Variants in PCDH15 observed in about 807,000 individuals in gnomAD.
PCDH15 encodes protocadherin related 15.
PCDH15 carries 129 observed loss-of-function variants against 178.5 expected under a neutral mutation model. The observed-to-expected ratio is 0.72, with a 90% confidence interval of 0.63 to 0.84. The LOEUF is 0.84. Ranked by LOEUF, PCDH15 falls within the 40% of genes least tolerant of loss-of-function variation. PCDH15 has a pLI of 0.00. For synonymous variants in PCDH15, 800 were observed against 732.0 expected (o/e 1.09, Z -1.50); for missense variants, 2,230 against 2,099.9 (o/e 1.06, Z -1.21).
rs71007859 is a variant in PCDH15 at position 54,442,414 on chromosome 10, CTATATATATA to C, written c.158-63482_158-63473del. Among the ~76,000 whole-genome samples, 86 of 19,192 alleles carry C rather than the reference CTATATATATA, an allele frequency of 4.5e-3. 2 individuals are homozygous for C. The highest frequency in any genetic ancestry group is 0.044 in the East Asian group (19 of 432). The allele number at this position is 19,192 out of a possible 152,430, so 12.6% of individuals were successfully genotyped here. A position where few individuals can be genotyped will look rare whatever the true frequency, so the allele number is the denominator to read the frequency against. ...TTAAAAAAAAAAAAGGCCTTAAAGG[CTATATATATA>C]TATATATATATATATATATATATAT... On this transcript the variant is annotated intron_variant, in intron 3 of 37. Coordinates refer to ENST00000644397, the MANE Select transcript of PCDH15 (RefSeq NM_001384140.1).
At chr10:55,187,680 A>G (rs1030277079) in intron 1 of PCDH15, among the ~76,000 whole-genome samples, 1 of 152,062 alleles carries the variant, frequency 6.6e-6, no homozygotes, top group Non-Finnish European at 1.5e-5. Context: ...GGCTGGTTTA[A>G]GTGACCTATG....
At chr10:55,248,256 G>A (rs1322904085) in intron 1 of PCDH15, among the ~76,000 whole-genome samples, 1 of 151,388 alleles carries the variant, frequency 6.6e-6, no homozygotes, top group Non-Finnish European at 1.5e-5. Flanking sequence ...CAGATTTTAT[G>A]ATGTTTAGAT....
At chr10:54,763,608 A>C (rs1383347069) in intron 1 of PCDH15, among the ~76,000 whole-genome samples, 2 of 152,024 alleles carry the variant, frequency 1.3e-5, no homozygotes, top group African/African-American at 4.8e-5. Flanking sequence ...AAAAGAGAAT[A>C]TTTGAAATGT....
At chr10:54,589,338 T>A (rs1340457101) in intron 2 of PCDH15, among the ~76,000 whole-genome samples, 1 of 152,136 alleles carries the variant, frequency 6.6e-6, no homozygotes, top group Non-Finnish European at 1.5e-5. Flanking sequence ...GAAATAAAAT[T>A]AGGTAATTAT....
intron 3 of PCDH15, among the ~76,000 whole-genome samples, chr10:54,388,893 G>A (rs963007098): frequency 2.6e-5 from 4 of 152,138 alleles, no homozygotes; most frequent in Non-Finnish European, 4.4e-5. Context: ...AATGCCACTG[G>A]TCAGTGAGCT....
At chr10:53,809,612 C>T (rs951588200) in intron 37 of PCDH15, 31 of 1,455,184 alleles carry the variant, frequency 2.1e-5, no homozygotes, top group Middle Eastern at 1.8e-4. Context: ...CCTTGTCCCA[C>T]GAAAGCTACG....
At chr10:55,282,132 T>C (rs1349849797) in intron 1 of PCDH15, among the ~76,000 whole-genome samples, 1 of 152,220 alleles carries the variant, frequency 6.6e-6, no homozygotes, top group African/African-American at 2.4e-5. Flanking sequence ...CCGTTATTCC[T>C]ATGGTCAAGA....
At chr10:55,469,429 T>G (rs1173956404) in intron 2 of PCDH15, among the ~76,000 whole-genome samples, 1 of 152,134 alleles carries the variant, frequency 6.6e-6, no homozygotes, top group Non-Finnish European at 1.5e-5. Flanking sequence ...TAACTAATAA[T>G]TTTTATAGAA....
At chr10:54,374,717 G>C (rs2134888541) in intron 4 of PCDH15, among the ~76,000 whole-genome samples, 1 of 151,820 alleles carries the variant, frequency 6.6e-6, no homozygotes, top group South Asian at 2.1e-4. Context: ...ATAAAAATAA[G>C]ACATAAAAAT....
At chr10:54,724,334 T>C (rs111955744) in intron 1 of PCDH15, among the ~76,000 whole-genome samples, 6 of 151,546 alleles carry the variant, frequency 4.0e-5, no homozygotes, top group African/African-American at 1.5e-4. Flanking sequence ...AAGAGGTACA[T>C]ATAGATGCAA....
At position 54,020,178 on chromosome 10, in the gene PCDH15, T is replaced by G; in HGVS notation, c.2751+14A>C. 1 of 1,611,640 alleles carries G rather than the reference T, an allele frequency of 6.2e-7. No individual in the cohort carries two copies. The highest frequency in any genetic ancestry group is 8.5e-7 in the Non-Finnish European group (1 of 1,178,076). On this transcript the variant is annotated intron_variant, in intron 20 of 37. Transcript: ENST00000644397. The stretch of plus-strand genomic sequence containing the variant: ...GAGCAAAGCAGGCAACCAGAAGTCA[T>G]CTCTAGCCCTTACCTTTACAATCAC...
intron 2 of PCDH15, among the ~76,000 whole-genome samples, chr10:54,992,991 T>C (rs867351273): frequency 6.6e-6 from 1 of 151,672 alleles, no homozygotes; most frequent in Non-Finnish European, 1.5e-5. Flanking sequence ...GAAGTTGGAA[T>C]AGCAGAAACT....
chr10:55,473,230 G>A (rs1309654811), intron 2 of PCDH15, among the ~76,000 whole-genome samples: 2 of 151,958 alleles, frequency 1.3e-5, no homozygotes, highest in Non-Finnish European at 2.9e-5. Flanking sequence ...GACCATCTAA[G>A]AAAGTGTAAT....
At chr10:54,926,446 T>G (rs1414691943) in intron 2 of PCDH15, among the ~76,000 whole-genome samples, 1 of 152,052 alleles carries the variant, frequency 6.6e-6, no homozygotes, top group Non-Finnish European at 1.5e-5. Context: ...GGTTTTTGTA[T>G]GAGGATGATG....
At chr10:55,262,435 C>CT (rs1842169503) in intron 1 of PCDH15, among the ~76,000 whole-genome samples, 1 of 152,144 alleles carries the variant, frequency 6.6e-6, no homozygotes, top group African/African-American at 2.4e-5. Flanking sequence ...TATAAAAACA[C>CT]TGAGACCCTA....
intron 14 of PCDH15, among the ~76,000 whole-genome samples, chr10:54,143,115 T>TA (rs1178178541): frequency 1.3e-5 from 2 of 152,214 alleles, no homozygotes; most frequent in East Asian, 3.9e-4. Context: ...ATGTAAGGCT[T>TA]ATTAGGCTTA....
Position 53,823,439 on chromosome 10 carries a change from C to CATTACTATTAAATACTTA in PCDH15, c.4368-3227_4368-3210dup, listed in dbSNP as rs745892138. Reference sequence around the variant, plus strand: ...ATGAGAAAGATGTTTTTATGGCTCTCATTACTATTAAATACTTAAAAACAT... The same window carrying CATTACTATTAAATACTTA: ...ATGAGAAAGATGTTTTTATGGCTCTCATTACTATTAAATACTTAATTACTATTAAATACTTAAAAACAT... On this transcript the variant is annotated intron_variant, in intron 32 of 37. Coordinates refer to ENST00000644397, the MANE Select transcript of PCDH15 (RefSeq NM_001384140.1). The CATTACTATTAAATACTTA allele has an allele frequency of 1.8e-5, 23 of 1,289,034 alleles. No homozygotes were observed. In the African/African-American group the frequency reaches 2.6e-4, roughly 15 times the overall value. The allele number at this position is 1,289,034 out of a possible 1,614,324, so 79.8% of individuals were successfully genotyped here.
intron 2 of PCDH15, among the ~76,000 whole-genome samples, chr10:55,477,200 T>C (rs1840079917): frequency 6.6e-6 from 1 of 151,856 alleles, no homozygotes; most frequent in East Asian, 1.9e-4. Flanking sequence ...TGAATATCTT[T>C]TTTTCCTCCT....
chr10:54,186,790 T>G (rs1234459364), intron 11 of PCDH15, among the ~76,000 whole-genome samples: 1 of 151,982 alleles, frequency 6.6e-6, no homozygotes, highest in Non-Finnish European at 1.5e-5. Flanking sequence ...CTCAGATAAC[T>G]AGAAAGCGGG....
Sources: allele counts gnomAD v4.1 joint callset (sites outside exome capture counted in the v4.1 genomes callset), GRCh38; gene constraint gnomAD v4.1.1; transcripts MANE v1.5; gene names NCBI Gene and HGNC (gene_info 2026-07-23, HGNC 2026-07-21).